The following VEPH1 variants were observed in gnomAD, a reference collection of about 807,000 sequenced individuals.
VEPH1 encodes ventricular zone expressed PH domain containing 1.
In VEPH1, 80 loss-of-function variants were observed where a neutral mutation model predicts 85.2. The ratio of observed to expected loss-of-function variants is 0.94; its 90% CI spans 0.78 to 1.13. The LOEUF is 1.13. Ranked by LOEUF, VEPH1 falls within the 50% of genes most tolerant of loss-of-function variation. VEPH1 has a pLI of 0.00. For missense variants in VEPH1, 955 were observed against 980.5 expected, an observed-to-expected ratio of 0.97 and a Z score of 0.35; for synonymous variants, 297 against 348.0, an observed-to-expected ratio of 0.85 and a Z score of 1.63.
intron 3 of VEPH1, among the ~76,000 whole-genome samples, chr3:157,464,627 C>T (rs530378544): frequency 3.9e-5 from 6 of 152,114 alleles, no homozygotes; most frequent in East Asian, 1.9e-4. Context: ...CTTTGTTCTA[C>T]GGATGCCAAG....
At chr3:157,442,298 A>T in intron 4 of VEPH1, 1 of 1,325,510 alleles carries the variant, frequency 7.5e-7, no homozygotes, top group Non-Finnish European at 1.0e-6. Context: ...TTAAATAACT[A>T]ATGCCAGAAT....
In VEPH1 at chr3:157,304,038, T is replaced by TATATATATATATATATATATACAC; in HGVS notation, c.2010+9582_2010+9583insGTGTATATATATATATATATATAT. Among the ~76,000 whole-genome samples, 22 of 96,914 alleles carry TATATATATATATATATATATACAC rather than the reference T, an allele frequency of 2.3e-4. 1 individual carries two copies. The highest frequency in any genetic ancestry group is 6.4e-4 in the African/African-American group (21 of 32,704). The allele number at this position is 96,914 out of a possible 152,430, so 63.6% of individuals were successfully genotyped here. ...CTTATATTTTTTATATATATATATA[T>TATATATATATATATATATATACAC]ACACACATACTGTTACATCTTATAT... On this transcript the variant is annotated intron_variant, in intron 11 of 13. Transcript: ENST00000362010.
chr3:157,379,482 C>T (rs1319018335), intron 7 of VEPH1, among the ~76,000 whole-genome samples: 1 of 152,150 alleles, frequency 6.6e-6, no homozygotes, highest in African/African-American at 2.4e-5. Context: ...TCAGTACATC[C>T]CTTTTTCACC....
At chr3:157,438,743 A>G (rs1425763645) in intron 4 of VEPH1, among the ~76,000 whole-genome samples, 2 of 152,234 alleles carry the variant, frequency 1.3e-5, no homozygotes, top group African/African-American at 4.8e-5. Context: ...TGGGTTCCCA[A>G]AATAATACAT....
chr3:157,280,310 G>C (rs537539303), intron 12 of VEPH1, among the ~76,000 whole-genome samples: 3 of 152,074 alleles, frequency 2.0e-5, no homozygotes, highest in African/African-American at 7.2e-5. Context: ...GCTTGACTCA[G>C]CTTGTTCTCT....
At chr3:157,457,909 C>G (rs535299088) in intron 4 of VEPH1, among the ~76,000 whole-genome samples, 1 of 152,180 alleles carries the variant, frequency 6.6e-6, no homozygotes, top group East Asian at 1.9e-4. Flanking sequence ...CTCTCCTCCT[C>G]AATTTTTTGG....
At chr3:157,338,946 A>G (rs1723235375) in intron 9 of VEPH1, among the ~76,000 whole-genome samples, 1 of 152,198 alleles carries the variant, frequency 6.6e-6, no homozygotes, top group Admixed American at 6.5e-5. Flanking sequence ...GCTGTGCCAG[A>G]CACTAGGCAT....
At chr3:157,341,044 C>A (rs926587569) in intron 9 of VEPH1, among the ~76,000 whole-genome samples, 1 of 151,982 alleles carries the variant, frequency 6.6e-6, no homozygotes, top group Non-Finnish European at 1.5e-5. Context: ...CATCAAAGAC[C>A]AAAGGTAGAT....
chr3:157,262,842 A>G (rs1713096146), intron 13 of VEPH1, among the ~76,000 whole-genome samples: 1 of 152,236 alleles, frequency 6.6e-6, no homozygotes, highest in African/African-American at 2.4e-5. Flanking sequence ...CATACACACT[A>G]GACAATACTT....
intron 11 of VEPH1, among the ~76,000 whole-genome samples, chr3:157,299,584 A>G (rs1396192413): frequency 6.6e-6 from 1 of 151,290 alleles, no homozygotes; most frequent in Admixed American, 6.6e-5. Flanking sequence ...AAAAAAAGAA[A>G]GAAAGAAAGA....
intron 4 of VEPH1, among the ~76,000 whole-genome samples, chr3:157,440,659 T>C (rs768152687): frequency 8.6e-4 from 131 of 152,080 alleles, no homozygotes; most frequent in Non-Finnish European, 1.2e-3. Flanking sequence ...TATGTATATA[T>C]GTGTGTATAT....
In VEPH1 at chr3:157,383,541, G is replaced by T. The variant is rs555081502; in HGVS notation, c.907-2165C>A. ...ATTTAATACAGAACAAATTTAAGTA[G>T]TGAAGTTCCCTCATTTTTGGTACTT... On this transcript the variant is annotated intron_variant, in intron 6 of 13. Coordinates refer to ENST00000362010, the MANE Select transcript of VEPH1 (RefSeq NM_001167912.2). 2.0e-5 allele frequency among the ~76,000 whole-genome samples: 3 copies of T among 152,334 alleles called. No individual in the cohort carries two copies. In the East Asian group the frequency reaches 5.8e-4, roughly 29 times the overall value.
intron 12 of VEPH1, 40 bp downstream of exon 12, chr3:157,286,517 G>A (rs1439563477): frequency 1.3e-6 from 2 of 1,525,392 alleles, no homozygotes; most frequent in South Asian, 1.1e-5. Context: ...CTGTAATTTG[G>A]GGCACAAATG....
chr3:157,300,980 A>G (rs145774007), intron 11 of VEPH1, among the ~76,000 whole-genome samples: 6 of 152,366 alleles, frequency 3.9e-5, no homozygotes, highest in Non-Finnish European at 8.8e-5. Context: ...AACTCTTCAC[A>G]TGTGAACCTC....
chr3:157,472,873 T>C (rs1018273372), intron 2 of VEPH1, among the ~76,000 whole-genome samples: 1 of 152,170 alleles, frequency 6.6e-6, no homozygotes, highest in Non-Finnish European at 1.5e-5. Flanking sequence ...TGTGTAATAT[T>C]CCATGCTGTA....
intron 9 of VEPH1, among the ~76,000 whole-genome samples, chr3:157,333,850 T>A (rs1330364116): frequency 6.7e-6 from 1 of 150,354 alleles, no homozygotes; most frequent in Non-Finnish European, 1.5e-5. Context: ...CCGTTTACAT[T>A]TTTTTTTCCC....
At chr3:157,261,394 A>G (rs752056599) in intron 13 of VEPH1, 24 bp from the exon 14 acceptor site, 76 of 1,611,224 alleles carry the variant, frequency 4.7e-5, no homozygotes, top group Non-Finnish European at 6.0e-5. Flanking sequence ...GAAGAAAAGA[A>G]CATGGGCTGG....
intron 5 of VEPH1, among the ~76,000 whole-genome samples, chr3:157,419,566 A>G (rs1004617098): frequency 6.6e-6 from 1 of 152,110 alleles, no homozygotes; most frequent in Non-Finnish European, 1.5e-5. Context: ...CAGACATATG[A>G]AAAAAAACTC....
intron 11 of VEPH1, among the ~76,000 whole-genome samples, chr3:157,295,780 C>A (rs950591299): frequency 2.0e-5 from 3 of 151,994 alleles, no homozygotes; most frequent in Admixed American, 1.3e-4. Context: ...CATGGTGAAA[C>A]CCCATCTCTA....
Sources: gnomAD v4.1 joint callset for allele counts (sites outside exome capture counted in the v4.1 genomes callset) on GRCh38, gnomAD v4.1.1 for gene constraint, MANE v1.5 for transcripts, NCBI Gene and HGNC (gene_info 2026-07-23, HGNC 2026-07-21) for gene names.